The following CHD7 variants were observed in gnomAD, a reference collection of about 807,000 sequenced individuals.
The protein encoded by CHD7 is chromodomain helicase DNA binding protein 7.
In CHD7, 24 loss-of-function variants were observed where a neutral mutation model predicts 307.3. The ratio of observed to expected loss-of-function variants is 0.08; its 90% CI spans 0.06 to 0.11. The LOEUF is 0.11. Ranked by LOEUF, CHD7 falls within the 10% of genes least tolerant of loss-of-function variation. CHD7 has a pLI of 1.00. For missense variants in CHD7, 3,106 were observed against 3,727.1 expected, an observed-to-expected ratio of 0.83 and a Z score of 4.34; for synonymous variants, 1,363 against 1,349.9, an observed-to-expected ratio of 1.01 and a Z score of -0.21.
At chr8:60,684,840 T>C (rs1410320901) in intron 1 of CHD7, among the ~76,000 whole-genome samples, 2 of 152,088 alleles carry the variant, frequency 1.3e-5, no homozygotes, top group Non-Finnish European at 2.9e-5. Context: ...GAGAGGACAA[T>C]AGGTTGTAGA....
Position 60,853,237 on chromosome 8 carries a change from C to T in CHD7, c.6512C>T (p.Ala2171Val). 6.2e-7 allele frequency: 1 copy of T among 1,613,784 alleles called. No individual in the cohort carries two copies. The highest frequency in any genetic ancestry group is 8.5e-7 in the Non-Finnish European group (1 of 1,179,800). ...HIQDERVLEQ[A>V]EGKVEEPENP... is the part of the protein sequence containing the mutation. ...CAAGATGAGAGGGTACTGGAACAAG[C>T]CGAAGGCAAAGTGGAGGAGCCTGAA... The change falls in exon 31 of 38, where the codon GCC becomes GTC. Residue 2171 changes from alanine (A) to valine (V), a missense_variant. By Grantham distance (64) the Ala-to-Val change is moderately conservative. This residue lies in a region of CHD7 where 1,030 missense variants were observed against 1,165.4 expected (regional missense o/e 0.88). Coordinates refer to ENST00000423902, the MANE Select transcript of CHD7 (RefSeq NM_017780.4).
chr8:60,825,062 A>C (rs1197543032), intron 13 of CHD7: 1 of 152,200 alleles, frequency 6.6e-6, no homozygotes, highest in Non-Finnish European at 1.5e-5. Flanking sequence ...AAGTACAAAA[A>C]GGGTTTCAAA....
At chr8:60,794,315 A>C (rs1235667664) in intron 3 of CHD7, among the ~76,000 whole-genome samples, 1 of 152,190 alleles carries the variant, frequency 6.6e-6, no homozygotes, top group Non-Finnish European at 1.5e-5. Context: ...TGAAACATGC[A>C]CTTTATTAGG....
At position 60,781,948 on chromosome 8, in the gene CHD7, C is replaced by T. The variant is rs372659656; in HGVS notation, c.2096+518C>T. On this transcript the variant is annotated intron_variant, in intron 3 of 37. Transcript: ENST00000423902. Reference sequence around the variant, plus strand: ...CAAGAGAAATCAAATAGTACTTGTCCATTGGATATGCATTCAAGAGTAGCA... The same window carrying T: ...CAAGAGAAATCAAATAGTACTTGTCTATTGGATATGCATTCAAGAGTAGCA... 1.3e-4 allele frequency among the ~76,000 whole-genome samples: 20 copies of T among 152,240 alleles called. No individual in the cohort carries two copies. The East Asian group carries it at 2.3e-3, about 18-fold the overall frequency.
In CHD7 at chr8:60,848,579, A is replaced by C. The variant is rs371988345; in HGVS notation, c.5275A>C (p.Lys1759Gln). The change falls in exon 24 of 38, where the codon AAG becomes CAG. Residue 1759 changes from lysine (K) to glutamine (Q), a missense_variant. Physicochemically the swap from Lys to Gln is moderately conservative, Grantham distance 53. Coordinates refer to ENST00000423902, the MANE Select transcript of CHD7 (RefSeq NM_017780.4). ...RQEVIGDQAD[K>Q]ILEGADSSEA... is the part of the protein sequence containing the mutation. ...AGAAGTGATAGGAGACCAGGCGGAT[A>C]AGATCTTAGAGGGTGCTGACTCAAG... is the stretch of plus-strand genomic sequence containing the variant. The C allele has an allele frequency of 1.7e-5, 27 of 1,613,428 alleles. No individual in the cohort carries two copies. Among genetic ancestry groups the C allele is most frequent in the African/African-American group, 1.3e-4 (10 of 74,930 alleles).
At chr8:60,740,178 C>T (rs148262000) in intron 1 of CHD7, among the ~76,000 whole-genome samples, 61 of 152,332 alleles carry the variant, frequency 4.0e-4, no homozygotes, top group African/African-American at 1.3e-3. Flanking sequence ...GTACACAGTG[C>T]GCTGGAAGCA....
intron 24 of CHD7, 137 bp from the exon 25 acceptor site, chr8:60,848,914 T>G: frequency 1.4e-6 from 1 of 736,834 alleles, no homozygotes; most frequent in Non-Finnish European, 2.4e-6. Context: ...CTCATGCCCT[T>G]TCTTTTAACC....
At chr8:60,770,326 C>T (rs1270185685) in intron 2 of CHD7, among the ~76,000 whole-genome samples, 1 of 152,188 alleles carries the variant, frequency 6.6e-6, no homozygotes, top group African/African-American at 2.4e-5. Flanking sequence ...CATAACCAGG[C>T]TTCTATTCTT....
intron 21 of CHD7, among the ~76,000 whole-genome samples, chr8:60,844,560 C>T (rs777390790): frequency 3.9e-5 from 6 of 152,178 alleles, no homozygotes; most frequent in Non-Finnish European, 5.9e-5. Flanking sequence ...TCCAGGCCCT[C>T]GGATGCACTC....
At chr8:60,694,355 T>TA (rs1241522878) in intron 1 of CHD7, among the ~76,000 whole-genome samples, 1 of 152,240 alleles carries the variant, frequency 6.6e-6, no homozygotes, top group Non-Finnish European at 1.5e-5. Context: ...CTGTGGGAGA[T>TA]ACTAAAAATG....
chr8:60,799,710 G>C (rs775683074), intron 4 of CHD7, among the ~76,000 whole-genome samples: 10 of 146,504 alleles, frequency 6.8e-5, no homozygotes, highest in African/African-American at 1.1e-4. Flanking sequence ...ATGTTAAAAT[G>C]TACAAAGGTA....
At chr8:60,806,214 A>G (rs1812529315) in intron 6 of CHD7, among the ~76,000 whole-genome samples, 1 of 152,154 alleles carries the variant, frequency 6.6e-6, no homozygotes, top group Admixed American at 6.5e-5. Flanking sequence ...TACAAAAAAA[A>G]TTAGCCGGGC....
chr8:60,682,862 C>A (rs996037362), intron 1 of CHD7, among the ~76,000 whole-genome samples: 1 of 152,194 alleles, frequency 6.6e-6, no homozygotes, highest in African/African-American at 2.4e-5. Context: ...TTAGTCAGGT[C>A]TGAGCAAATG....
intron 2 of CHD7, among the ~76,000 whole-genome samples, chr8:60,757,945 A>G (rs1351971394): frequency 6.6e-6 from 1 of 152,184 alleles, no homozygotes; most frequent in Non-Finnish European, 1.5e-5. Flanking sequence ...ATAGTTCTCA[A>G]ATGTTTTAGT....
rs963444598 is a variant in CHD7 at position 60,867,957 on chromosome 8, T to C, written c.*2024T>C. The C allele has an allele frequency of 1.3e-5, 2 of 151,574 alleles. No homozygotes were observed. Among genetic ancestry groups the C allele is most frequent in the African/African-American group, 4.9e-5 (2 of 40,830 alleles). 9.4% of individuals were successfully genotyped at this position (151,574 alleles called of 1,614,324 possible). A position where few individuals can be genotyped will look rare whatever the true frequency, so the allele number is the denominator to read the frequency against. On this transcript the variant is annotated 3_prime_UTR_variant, in exon 38 of 38. Coordinates refer to ENST00000423902, the MANE Select transcript of CHD7 (RefSeq NM_017780.4). ...GCATGAAGTATAGGAAATTTAAGTA[T>C]TTAAGTAACAAAGATGTTAGCAGGG...
At chr8:60,862,085 C>A (rs1586461934) in intron 35 of CHD7, 111 bp from the exon 36 acceptor site, 7 of 838,264 alleles carry the variant, frequency 8.4e-6, no homozygotes, top group Non-Finnish European at 1.2e-5. Flanking sequence ...TAAAATGATT[C>A]TTGAAACTTC....
chr8:60,702,910 C>T (rs929517360), intron 1 of CHD7, among the ~76,000 whole-genome samples: 4 of 152,154 alleles, frequency 2.6e-5, no homozygotes, highest in Non-Finnish European at 4.4e-5. Flanking sequence ...AGCGAGAGAG[C>T]GCCACATATT....
intron 1 of CHD7, among the ~76,000 whole-genome samples, chr8:60,686,282 GGCTTGT>G (rs1475865512): frequency 6.6e-6 from 1 of 151,912 alleles, no homozygotes; most frequent in African/African-American, 2.4e-5. Context: ...GCTTCAGATG[GGCTTGT>G]GCCAACTACT....
intron 35 of CHD7, 80 bp from the exon 36 acceptor site, chr8:60,862,116 T>C: frequency 1.9e-6 from 2 of 1,049,084 alleles, no homozygotes; most frequent in Non-Finnish European, 2.7e-6. Context: ...GAAGATGATC[T>C]GACAGTTCTC....
Sources: allele counts gnomAD v4.1 joint callset (sites outside exome capture counted in the v4.1 genomes callset), GRCh38; gene constraint gnomAD v4.1.1; regional missense constraint gnomAD v4.1.1; transcripts MANE v1.5; gene names NCBI Gene and HGNC (gene_info 2026-07-23, HGNC 2026-07-21).